Variants in INPP4B observed in about 807,000 individuals in gnomAD.
INPP4B encodes the protein inositol polyphosphate 4-phosphatase type II.
In INPP4B, 55 loss-of-function variants were observed where a neutral mutation model predicts 122.5. The ratio of observed to expected loss-of-function variants is 0.45; its 90% CI spans 0.36 to 0.56. The LOEUF is 0.56. Among genes scored for constraint, INPP4B ranks in the 20% least tolerant of loss-of-function variants. The pLI is 0.00. For missense variants in INPP4B, 1,000 were observed against 1,097.7 expected, an observed-to-expected ratio of 0.91 and a Z score of 1.26; for synonymous variants, 403 against 388.7, an observed-to-expected ratio of 1.04 and a Z score of -0.43.
At chr4:142,139,592 C>T (rs1044175473) in intron 18 of INPP4B, among the ~76,000 whole-genome samples, 1 of 152,194 alleles carries the variant, frequency 6.6e-6, no homozygotes, top group African/African-American at 2.4e-5. Flanking sequence ...CAGTCGTGAG[C>T]CACCCTGCCC....
chr4:142,845,906 G>A (rs1044875560), intron 1 of INPP4B, among the ~76,000 whole-genome samples: 4 of 152,122 alleles, frequency 2.6e-5, no homozygotes, highest in Non-Finnish European at 5.9e-5. Context: ...GCGTGTGTGA[G>A]TGAGAATGCG....
intron 23 of INPP4B, among the ~76,000 whole-genome samples, chr4:142,100,994 CTT>C (rs1784227294): frequency 6.6e-6 from 1 of 152,068 alleles, no homozygotes; most frequent in Non-Finnish European, 1.5e-5. Flanking sequence ...AAATAGTTAA[CTT>C]GTGTCAGAAA....
chr4:142,444,771 A>G (rs1023116153), intron 3 of INPP4B, among the ~76,000 whole-genome samples: 22 of 152,334 alleles, frequency 1.4e-4, no homozygotes, highest in African/African-American at 4.8e-4. Flanking sequence ...ATGCCCATCA[A>G]TGATAAACTG....
intron 2 of INPP4B, among the ~76,000 whole-genome samples, chr4:142,534,162 G>T (rs967709632): frequency 6.6e-6 from 1 of 151,978 alleles, no homozygotes; most frequent in Non-Finnish European, 1.5e-5. Context: ...AAGTTGAAGG[G>T]GTTCATTTCT....
chr4:142,099,423 G>A (rs113227768), intron 23 of INPP4B, among the ~76,000 whole-genome samples: 5 of 151,958 alleles, frequency 3.3e-5, no homozygotes, highest in African/African-American at 1.2e-4. Context: ...TAACTGACTG[G>A]ATTTTTCATT....
chr4:142,617,759 A>C (rs1744033396), intron 2 of INPP4B, among the ~76,000 whole-genome samples: 1 of 152,116 alleles, frequency 6.6e-6, no homozygotes, highest in Admixed American at 6.6e-5. Flanking sequence ...AAATAGTTAC[A>C]ATATAAATCC....
chr4:142,328,869 A>G (rs1773412396), intron 7 of INPP4B, among the ~76,000 whole-genome samples: 2 of 152,218 alleles, frequency 1.3e-5, no homozygotes, highest in Non-Finnish European at 2.9e-5. Flanking sequence ...AAACACTGCC[A>G]TGGTGGGTCT....
Position 142,253,627 on chromosome 4 carries a change from G to A in INPP4B, c.688+6865C>T, listed in dbSNP as rs556576513. 4.4e-3 allele frequency among the ~76,000 whole-genome samples: 673 copies of A among 152,272 alleles called. 3 individuals carry two copies. Among genetic ancestry groups the A allele is most frequent in the Non-Finnish European group, 7.4e-3 (503 of 68,014 alleles). ...CTGGAAAATCGGGTCAATCCCACCCGAATACTGTGCTTTTCCGACGGGCTT... is the reference window on the plus strand; with the variant it reads ...CTGGAAAATCGGGTCAATCCCACCCAAATACTGTGCTTTTCCGACGGGCTT... On this transcript the variant is annotated intron_variant, in intron 11 of 25. Transcript: ENST00000262992.
intron 1 of INPP4B, among the ~76,000 whole-genome samples, chr4:142,726,749 T>C (rs1032868037): frequency 6.6e-6 from 1 of 152,204 alleles, no homozygotes; most frequent in Non-Finnish European, 1.5e-5. Flanking sequence ...AAAGCAGTCA[T>C]AAGAATAGTG....
At chr4:142,359,886 T>C (rs1784839607) in intron 7 of INPP4B, among the ~76,000 whole-genome samples, 1 of 152,008 alleles carries the variant, frequency 6.6e-6, no homozygotes, top group Non-Finnish European at 1.5e-5. Context: ...TATCCGATCA[T>C]GCTGAACTTT....
intron 21 of INPP4B, among the ~76,000 whole-genome samples, chr4:142,116,922 A>G (rs1793854636): frequency 6.6e-6 from 1 of 152,180 alleles, no homozygotes; most frequent in African/African-American, 2.4e-5. Flanking sequence ...TAGCGAAACT[A>G]ATAAAGAAGA....
In INPP4B at chr4:142,121,258, G is replaced by T. The variant is rs116475722; in HGVS notation, c.2135+870C>A. ...TTGTGAGTAAGAAAGTCACCTTTCAGTCAACTATGTGGTTCTGGGTATCCT... is the reference window on the plus strand; with the variant it reads ...TTGTGAGTAAGAAAGTCACCTTTCATTCAACTATGTGGTTCTGGGTATCCT... On this transcript the variant is annotated intron_variant, in intron 21 of 25. Coordinates refer to ENST00000262992, the MANE Select transcript of INPP4B (RefSeq NM_001101669.3). 9.8e-3 allele frequency among the ~76,000 whole-genome samples: 1,494 copies of T among 152,094 alleles called. 26 individuals are homozygous for T. Among genetic ancestry groups the T allele is most frequent in the African/African-American group, 0.033 (1,386 of 41,490 alleles).
chr4:142,265,982 A>G (rs1742573040), intron 10 of INPP4B, among the ~76,000 whole-genome samples: 1 of 152,200 alleles, frequency 6.6e-6, no homozygotes, highest in African/African-American at 2.4e-5. Flanking sequence ...AGGAAAGTGG[A>G]AAAGTGGCTG....
intron 7 of INPP4B, among the ~76,000 whole-genome samples, chr4:142,319,044 A>G (rs1312644493): frequency 2.6e-5 from 4 of 152,180 alleles, no homozygotes; most frequent in African/African-American, 9.7e-5. Context: ...GCAGGTGAGT[A>G]GCTGAAAATC....
intron 2 of INPP4B, among the ~76,000 whole-genome samples, chr4:142,643,004 C>T (rs1750877720): frequency 6.6e-6 from 1 of 152,032 alleles, no homozygotes; most frequent in Non-Finnish European, 1.5e-5. Flanking sequence ...AGTTGGATTC[C>T]TAGGTATTTT....
chr4:142,106,287 T>C (rs1787059433), intron 23 of INPP4B, among the ~76,000 whole-genome samples: 1 of 152,176 alleles, frequency 6.6e-6, no homozygotes, highest in African/African-American at 2.4e-5. Context: ...GTTGTTGTTG[T>C]TGTTATTTTG....
At chr4:142,627,096 C>CA (rs1560886063) in intron 2 of INPP4B, among the ~76,000 whole-genome samples, 2 of 152,104 alleles carry the variant, frequency 1.3e-5, no homozygotes, top group African/African-American at 4.8e-5. Context: ...CCTAAAATGA[C>CA]ACTCTCCAGT....
At chr4:142,657,495 G>T (rs368896114) in intron 2 of INPP4B, among the ~76,000 whole-genome samples, 2 of 152,192 alleles carry the variant, frequency 1.3e-5, no homozygotes, top group East Asian at 1.9e-4. Context: ...GTTAAAAATT[G>T]CTAGGAGTTA....
intron 2 of INPP4B, among the ~76,000 whole-genome samples, chr4:142,695,057 G>A (rs894006417): frequency 1.3e-5 from 2 of 152,046 alleles, no homozygotes; most frequent in African/African-American, 2.4e-5. Context: ...ACAAGTTAAT[G>A]TGCCTACAAC....
Sources: gnomAD v4.1 joint callset for allele counts (sites outside exome capture counted in the v4.1 genomes callset) on GRCh38, gnomAD v4.1.1 for gene constraint, MANE v1.5 for transcripts, NCBI Gene and HGNC (gene_info 2026-07-23, HGNC 2026-07-21) for gene names.